Variants in IL1RAPL2 observed in about 807,000 individuals in gnomAD.
IL1RAPL2 encodes the protein X-linked interleukin-1 receptor accessory protein-like 2.
Under a neutral mutation model 44.1 loss-of-function variants are expected in IL1RAPL2, and 3 were observed. The observed-to-expected ratio is 0.07, with a 90% CI of 0.03 to 0.18. The LOEUF is 0.18. Ranked by LOEUF, IL1RAPL2 falls within the 10% of genes least tolerant of loss-of-function variation. IL1RAPL2 has a pLI of 1.00. For synonymous variants in IL1RAPL2, 181 were observed against 178.8 expected, an observed-to-expected ratio of 1.01 and a Z score of -0.10; for missense variants, 391 against 496.4, an observed-to-expected ratio of 0.79 and a Z score of 2.02.
intron 2 of IL1RAPL2, among the ~76,000 whole-genome samples, chrX:105,108,653 T>G (rs1317506074): frequency 9.2e-6 from 1 of 109,267 alleles, no homozygotes; most frequent in African/African-American, 3.3e-5. Flanking sequence ...GTTCTGTCAT[T>G]TTTTGCACCA....
intron 8 of IL1RAPL2, among the ~76,000 whole-genome samples, chrX:105,745,644 T>C (rs2038534989): frequency 9.0e-6 from 1 of 111,526 alleles, no homozygotes; most frequent in Admixed American, 9.6e-5. Context: ...TCTACCCTCA[T>C]GATCTAATCA....
intron 2 of IL1RAPL2, among the ~76,000 whole-genome samples, chrX:105,111,241 G>A (rs2032798615): frequency 9.0e-6 from 1 of 111,608 alleles, no homozygotes; most frequent in Admixed American, 9.5e-5. Context: ...TTTGAGCCTA[G>A]TGGTTTTAAT....
At chrX:105,432,087 T>C (rs2035851383) in intron 5 of IL1RAPL2, among the ~76,000 whole-genome samples, 1 of 107,923 alleles carries the variant, frequency 9.3e-6, no homozygotes, top group Admixed American at 1.0e-4. Context: ...AGGACTAAGC[T>C]TCCAGAAAAT....
At chrX:105,079,352 A>T (rs952299273) in intron 2 of IL1RAPL2, among the ~76,000 whole-genome samples, 3 of 109,320 alleles carry the variant, frequency 2.7e-5, no homozygotes, top group Non-Finnish European at 1.9e-5. Context: ...TCATTCTACT[A>T]TAAAGACAGA....
At chrX:105,086,725 T>C (rs935925875) in intron 2 of IL1RAPL2, among the ~76,000 whole-genome samples, 2 of 110,520 alleles carry the variant, frequency 1.8e-5, no homozygotes, top group African/African-American at 6.6e-5. Flanking sequence ...TGTGTGTGTG[T>C]GTGTATATAA....
Position 105,354,558 on chromosome X carries a change from G to A in IL1RAPL2, c.697+87017G>A, listed in dbSNP as rs774528463. 4.6e-5 allele frequency among the ~76,000 whole-genome samples: 5 copies of A among 108,803 alleles called. No individual in the cohort carries two copies. In the Middle Eastern group the frequency reaches 0.019, roughly 414 times the overall value. 94.5% of individuals were successfully genotyped at this position (108,803 alleles called of 115,157 possible). ...GGAGATATAGCTAATGTTAAATGACGAGTTGATGGGTGCAGCACACCAACA... is the reference window on the plus strand; with the variant it reads ...GGAGATATAGCTAATGTTAAATGACAAGTTGATGGGTGCAGCACACCAACA... On this transcript the variant is annotated intron_variant, in intron 5 of 10. Coordinates refer to ENST00000372582, the MANE Select transcript of IL1RAPL2 (RefSeq NM_017416.2).
intron 5 of IL1RAPL2, among the ~76,000 whole-genome samples, chrX:105,414,713 T>C (rs1408899838): frequency 8.9e-6 from 1 of 111,756 alleles, no homozygotes; most frequent in Non-Finnish European, 1.9e-5. Context: ...CAGGTATACC[T>C]TCTCTGGAAT....
intron 10 of IL1RAPL2, among the ~76,000 whole-genome samples, chrX:105,766,658 G>C (rs1443896132): frequency 9.0e-6 from 1 of 111,397 alleles, no homozygotes; most frequent in East Asian, 2.8e-4. Context: ...GTACTAGCTT[G>C]GAAGCCTGAC....
At chrX:105,500,507 T>C (rs1245372005) in intron 6 of IL1RAPL2, among the ~76,000 whole-genome samples, 1 of 111,524 alleles carries the variant, frequency 9.0e-6, no homozygotes, top group Non-Finnish European at 1.9e-5. Flanking sequence ...TTCTATATTA[T>C]TGCTTTAGTA....
intron 2 of IL1RAPL2, among the ~76,000 whole-genome samples, chrX:105,145,126 C>G (rs1008855732): frequency 8.9e-6 from 1 of 111,806 alleles, no homozygotes; most frequent in African/African-American, 3.3e-5. Flanking sequence ...CAGCAAATCC[C>G]TTGTCAAGTA....
intron 1 of IL1RAPL2, among the ~76,000 whole-genome samples, chrX:104,639,009 T>C (rs1929881234): frequency 8.9e-6 from 1 of 112,617 alleles, no homozygotes; most frequent in African/African-American, 3.2e-5. Context: ...GATTTAGTAA[T>C]ATTTGCTTTA....
intron 6 of IL1RAPL2, among the ~76,000 whole-genome samples, chrX:105,584,066 A>G (rs1267967718): frequency 2.7e-5 from 3 of 112,153 alleles, no homozygotes; most frequent in Non-Finnish European, 5.6e-5. Context: ...CTGCACTTGA[A>G]AAGAAGGTGC....
rs150481387 is a variant in IL1RAPL2 at position 104,795,978 on chromosome X, T to G, written c.82+136983T>G. Reference sequence around the variant, plus strand: ...TGAGAACCATGCCAGGGAAGGTCTTTGAATTCCTACTTCTCTCTGTTATGC... The same window carrying G: ...TGAGAACCATGCCAGGGAAGGTCTTGGAATTCCTACTTCTCTCTGTTATGC... On this transcript the variant is annotated intron_variant, in intron 2 of 10. Transcript: ENST00000372582. Among the ~76,000 whole-genome samples the G allele has an allele frequency of 6.4e-3, 717 of 112,150 alleles. 3 individuals are homozygous for G. The highest frequency in any genetic ancestry group is 0.022 in the African/African-American group (685 of 30,917).
At chrX:105,120,846 C>T (rs904615121) in intron 2 of IL1RAPL2, among the ~76,000 whole-genome samples, 11 of 111,902 alleles carry the variant, frequency 9.8e-5, no homozygotes, top group Non-Finnish European at 1.7e-4. Context: ...GTAGCTCTCA[C>T]GGATTTGACT....
intron 7 of IL1RAPL2, among the ~76,000 whole-genome samples, chrX:105,720,433 A>G (rs2038293945): frequency 1.9e-5 from 2 of 103,750 alleles, no homozygotes; most frequent in South Asian, 9.5e-4. Context: ...AGAATTTTAT[A>G]TAAGCAGAAT....
chrX:104,842,815 G>A (rs886886201), intron 2 of IL1RAPL2, among the ~76,000 whole-genome samples: 9 of 112,493 alleles, frequency 8.0e-5, no homozygotes, highest in South Asian at 3.7e-4. Flanking sequence ...TCTCCTGTAT[G>A]AGGTGTCTGT....
intron 2 of IL1RAPL2, among the ~76,000 whole-genome samples, chrX:104,781,797 G>C (rs138424371): frequency 8.9e-6 from 1 of 112,189 alleles, no homozygotes; most frequent in Non-Finnish European, 1.9e-5. Context: ...ATAGGCAGGC[G>C]TGTGTCTAGC....
At chrX:105,419,626 T>C (rs754866683) in intron 5 of IL1RAPL2, among the ~76,000 whole-genome samples, 1 of 112,192 alleles carries the variant, frequency 8.9e-6, no homozygotes, top group African/African-American at 3.2e-5. Context: ...AAAACTTCTA[T>C]ATTTATTACA....
chrX:105,522,081 G>A (rs185589245), intron 6 of IL1RAPL2, among the ~76,000 whole-genome samples: 8 of 111,810 alleles, frequency 7.2e-5, no homozygotes, highest in African/African-American at 2.6e-4. Context: ...TTTGGTACAC[G>A]TTGAGCCATC....
Sources: gnomAD v4.1 joint callset for allele counts (sites outside exome capture counted in the v4.1 genomes callset) on GRCh38, gnomAD v4.1.1 for gene constraint, MANE v1.5 for transcripts, NCBI Gene and HGNC (gene_info 2026-07-23, HGNC 2026-07-21) for gene names.